Variants in CELF4 observed in about 807,000 individuals in gnomAD.
CELF4 encodes the protein CUGBP Elav-like family member 4.
In CELF4, 18 loss-of-function variants were observed where a neutral mutation model predicts 59.9. That is an observed-to-expected ratio of 0.30 (90% CI 0.21 to 0.45). The LOEUF (loss-of-function observed/expected upper bound fraction) is 0.45. Ranked by LOEUF, CELF4 falls within the 20% of genes least tolerant of loss-of-function variation. The pLI is 1.00. For synonymous variants in CELF4, 261 were observed against 267.1 expected, an observed-to-expected ratio of 0.98 and a Z score of 0.22; for missense variants, 456 against 689.0, an observed-to-expected ratio of 0.66 and a Z score of 3.79.
At chr18:37,344,054 C>A (rs866670912) in intron 2 of CELF4, among the ~76,000 whole-genome samples, 1 of 152,206 alleles carries the variant, frequency 6.6e-6, no homozygotes, top group East Asian at 1.9e-4. Flanking sequence ...CCTTTTACCC[C>A]CATTTTGCTC....
chr18:37,270,306 T>C (rs1662911), intron 8 of CELF4, among the ~76,000 whole-genome samples: 5,996 of 152,320 alleles, frequency 0.039, 392 homozygotes, highest in African/African-American at 0.13. Context: ...CACCAAGGGA[T>C]GGACTGGTCT....
At position 37,565,617 on chromosome 18, in the gene CELF4, C is replaced by T. The variant is rs1228724547; in HGVS notation, c.25G>A (p.Ala9Thr). The T allele has an allele frequency of 1.9e-6, 3 of 1,603,230 alleles. No homozygotes were observed. Among genetic ancestry groups the T allele is most frequent in the Admixed American group, 1.7e-5 (1 of 58,506 alleles). Residue 9 changes from alanine to threonine, a missense_variant, in exon 1 of 13, where the codon GCA becomes ACA. Around this residue, in one of 7 missense-constraint regions of CELF4, gnomAD observed 70 missense variants for 69.5 expected, o/e 1.01. Transcript: ENST00000420428. Reference protein sequence around the residue: MYIKMATLANGQADNASLS... With the variant: MYIKMATLTNGQADNASLS... ...CTTGCGTTGTCAGCCTGTCCGTTTG[C>T]TAACGTGGCCATCTTTATATACATA...
intron 1 of CELF4, among the ~76,000 whole-genome samples, chr18:37,547,147 TGTGTGTGTGTGTG>T (rs1313177983): frequency 8.8e-6 from 1 of 113,538 alleles, no homozygotes; most frequent in Non-Finnish European, 1.8e-5. Flanking sequence ...TTAGTGTATG[TGTGTGTGTGTGTG>T]GTGTGTGTGT....
chr18:37,429,007 G>C (rs1252161730), intron 2 of CELF4, among the ~76,000 whole-genome samples: 1 of 152,138 alleles, frequency 6.6e-6, no homozygotes, highest in Non-Finnish European at 1.5e-5. Context: ...ATGTTTGCAG[G>C]GGCCTGAGCA....
intron 2 of CELF4, among the ~76,000 whole-genome samples, chr18:37,375,316 C>A (rs1035111906): frequency 2.6e-5 from 4 of 152,160 alleles, no homozygotes; most frequent in Admixed American, 2.0e-4. Flanking sequence ...GGTTGAAGAA[C>A]ACCAAAGGAA....
chr18:37,537,152 C>T (rs926981356), intron 1 of CELF4, among the ~76,000 whole-genome samples: 1 of 152,198 alleles, frequency 6.6e-6, no homozygotes, highest in Admixed American at 6.5e-5. Flanking sequence ...TGTCTTCTCC[C>T]CTTACATTTT....
intron 3 of CELF4, among the ~76,000 whole-genome samples, chr18:37,288,904 G>T (rs1281357595): frequency 6.6e-6 from 1 of 152,096 alleles, no homozygotes; most frequent in Non-Finnish European, 1.5e-5. Context: ...CTTAAGGGTG[G>T]CAATATTTGG....
At chr18:37,297,947 G>C (rs955952915) in intron 3 of CELF4, among the ~76,000 whole-genome samples, 2 of 152,254 alleles carry the variant, frequency 1.3e-5, no homozygotes, top group Non-Finnish European at 2.9e-5. Flanking sequence ...GAGACTGTTG[G>C]GTGTTTGGGA....
intron 2 of CELF4, among the ~76,000 whole-genome samples, chr18:37,479,043 T>A (rs760203509): frequency 7.2e-5 from 11 of 151,954 alleles, no homozygotes; most frequent in Non-Finnish European, 1.5e-4. Context: ...CAGGAGAGAG[T>A]TGAGCTGGAG....
At chr18:37,380,370 C>G (rs1432063736) in intron 2 of CELF4, among the ~76,000 whole-genome samples, 1 of 152,198 alleles carries the variant, frequency 6.6e-6, no homozygotes. Flanking sequence ...CTCCCAACTA[C>G]TCCTCCCAAA....
At chr18:37,360,541 C>T (rs973300272) in intron 2 of CELF4, among the ~76,000 whole-genome samples, 1 of 152,182 alleles carries the variant, frequency 6.6e-6, no homozygotes, top group Non-Finnish European at 1.5e-5. Context: ...CTGAAATCAT[C>T]CCCAAAATGA....
chr18:37,357,622 C>T (rs376144300), intron 2 of CELF4, among the ~76,000 whole-genome samples: 2 of 152,260 alleles, frequency 1.3e-5, no homozygotes, highest in East Asian at 1.9e-4. Context: ...TTCCAGACCC[C>T]AGAAAGGTAG....
intron 2 of CELF4, among the ~76,000 whole-genome samples, chr18:37,479,056 G>A (rs1471966431): frequency 1.3e-5 from 2 of 152,192 alleles, no homozygotes; most frequent in African/African-American, 2.4e-5. Context: ...AGCTGGAGTC[G>A]GTGCTGAAAC....
chr18:37,472,590 C>T (rs2099836565), intron 2 of CELF4, among the ~76,000 whole-genome samples: 1 of 152,228 alleles, frequency 6.6e-6, no homozygotes, highest in Admixed American at 6.5e-5. Flanking sequence ...GATGAAAGAA[C>T]TACTGGCACC....
At chr18:37,352,998 G>A (rs1353999717) in intron 2 of CELF4, among the ~76,000 whole-genome samples, 2 of 152,106 alleles carry the variant, frequency 1.3e-5, no homozygotes, top group Non-Finnish European at 2.9e-5. Context: ...AAGGTGGGCA[G>A]ATCAGGAAGT....
intron 2 of CELF4, among the ~76,000 whole-genome samples, chr18:37,382,388 G>A (rs976429571): frequency 6.6e-6 from 1 of 152,188 alleles, no homozygotes; most frequent in Non-Finnish European, 1.5e-5. Context: ...GAGAGGTTCA[G>A]ACCTGCCCTC....
intron 1 of CELF4, among the ~76,000 whole-genome samples, chr18:37,519,318 T>C (rs1603643240): frequency 1.3e-5 from 2 of 152,276 alleles, no homozygotes; most frequent in South Asian, 2.1e-4. Context: ...ACTGCTCTTC[T>C]GGACTGAAAC....
At chr18:37,512,584 CG>C (rs1045883447) in intron 1 of CELF4, among the ~76,000 whole-genome samples, 39 of 151,730 alleles carry the variant, frequency 2.6e-4, no homozygotes, top group African/African-American at 9.4e-4. Context: ...ACACCTTTCT[CG>C]TCTTCCTCCT....
At chr18:37,398,792 T>C (rs1234374231) in intron 2 of CELF4, among the ~76,000 whole-genome samples, 4 of 152,182 alleles carry the variant, frequency 2.6e-5, no homozygotes, top group African/African-American at 4.8e-5. Context: ...GATCGCACCA[T>C]GGACCCAGCC....
Sources: allele counts gnomAD v4.1 joint callset (sites outside exome capture counted in the v4.1 genomes callset), GRCh38; gene constraint gnomAD v4.1.1; regional missense constraint gnomAD v4.1.1; transcripts MANE v1.5; gene names NCBI Gene and HGNC (gene_info 2026-07-23, HGNC 2026-07-21).